PXYLP1: variants seen among roughly 807,000 people sequenced by gnomAD.
PXYLP1 encodes the protein acid phosphatase-like 2.
PXYLP1 carries 17 observed loss-of-function variants against 37.9 expected under a neutral mutation model. The ratio of observed to expected loss-of-function variants is 0.45; its 90% CI spans 0.31 to 0.67. The LOEUF is 0.67. PXYLP1 is among the 30% of genes least tolerant of loss of function. PXYLP1 has a pLI of 0.07. For missense variants in PXYLP1, 511 were observed against 612.0 expected, an observed-to-expected ratio of 0.84 and a Z score of 1.74; for synonymous variants, 221 against 232.2, an observed-to-expected ratio of 0.95 and a Z score of 0.44.
At chr3:141,273,710 AGT>A in intron 2 of PXYLP1, 1 of 985,400 alleles carries the variant, frequency 1.0e-6, no homozygotes, top group Non-Finnish European at 1.2e-6. Context: ...ACAGGATGAA[AGT>A]GATCGTAGAT....
At chr3:141,274,194 G>A in intron 2 of PXYLP1, 1 of 1,051,650 alleles carries the variant, frequency 9.5e-7, no homozygotes, top group Non-Finnish European at 1.1e-6. Context: ...CTTTATCTAG[G>A]TGATCGGGGC....
chr3:141,238,361 C>A (rs1940708873), intron 1 of PXYLP1, among the ~76,000 whole-genome samples: 1 of 152,222 alleles, frequency 6.6e-6, no homozygotes, highest in African/African-American at 2.4e-5. Context: ...CTAGCACCTG[C>A]CATCACGGAG....
At chr3:141,274,360 C>T (rs1048519627) in intron 2 of PXYLP1, 3 of 1,428,198 alleles carry the variant, frequency 2.1e-6, no homozygotes, top group Non-Finnish European at 2.7e-6. Flanking sequence ...CCTTACGGGA[C>T]CCAAGGCGTA....
At chr3:141,270,371 T>C (rs976157127) in intron 2 of PXYLP1, among the ~76,000 whole-genome samples, 1 of 152,236 alleles carries the variant, frequency 6.6e-6, no homozygotes, top group African/African-American at 2.4e-5. Context: ...ACTCCAGCCT[T>C]TAAAAGCAGA....
chr3:141,246,785 G>A (rs1407915291), intron 1 of PXYLP1, among the ~76,000 whole-genome samples: 1 of 152,192 alleles, frequency 6.6e-6, no homozygotes, highest in African/African-American at 2.4e-5. Flanking sequence ...CCCAAACTTG[G>A]TGCCTTAAAA....
At chr3:141,274,498 C>A in intron 2 of PXYLP1, 1 of 1,524,080 alleles carries the variant, frequency 6.6e-7, no homozygotes, top group South Asian at 1.2e-5. Context: ...TAGGTGTCTC[C>A]TCTGGGAAGC....
rs1941861316 is a variant in PXYLP1, at chr3:141,278,510, A to T, written c.238+10A>T. The T allele has an allele frequency of 6.2e-7, 1 of 1,613,906 alleles. No individual in the cohort carries two copies. Among genetic ancestry groups the T allele is most frequent in the Non-Finnish European group, 8.5e-7 (1 of 1,179,960 alleles). On this transcript the variant is annotated intron_variant, in intron 3 of 5. Transcript: ENST00000286353. ...GAGCGCAGCATGGAAGGTAGGCCTG[A>T]CTGTGCCACCAGGACAGATACCCCT...
At chr3:141,235,205 A>T (rs1385992509) in intron 1 of PXYLP1, 1 of 152,254 alleles carries the variant, frequency 6.6e-6, no homozygotes, top group East Asian at 1.9e-4. Flanking sequence ...TCTGAAATCC[A>T]TTTGCTGGGC....
chr3:141,292,906 C>G lies in PXYLP1; in HGVS notation c.1144C>G (p.Leu382Val). 6.2e-7 allele frequency: 1 copy of G among 1,614,180 alleles called. No individual in the cohort carries two copies. Among genetic ancestry groups the G allele is most frequent in the Non-Finnish European group, 8.5e-7 (1 of 1,180,034 alleles). The change falls in exon 6 of 6, where the codon CTG (leucine) becomes GTG (valine). Residue 382 changes from leucine (L) to valine (V), a missense_variant. Physicochemically the swap from Leu to Val is conservative, Grantham distance 32. Transcript: ENST00000286353. The surrounding 1 kb of genome is among the most constrained non-coding windows in gnomAD (Gnocchi z 4.3). The stretch of plus-strand genomic sequence containing the variant: ...CCTCTACTCTGCTCATGATGTCACT[C>G]TGTCACCAGTTCTCAGTGCCTTGGG... ...FALYSAHDVT[L>V]SPVLSALGLS...
chr3:141,243,026 C>T (rs776775755), intron 1 of PXYLP1, among the ~76,000 whole-genome samples: 8 of 152,142 alleles, frequency 5.3e-5, no homozygotes, highest in Non-Finnish European at 8.8e-5. Flanking sequence ...ATACCTTGCC[C>T]GAGCTGTTAG....
intron 1 of PXYLP1, among the ~76,000 whole-genome samples, chr3:141,237,368 G>C (rs1576571968): frequency 6.6e-6 from 1 of 152,298 alleles, no homozygotes; most frequent in South Asian, 2.1e-4. Context: ...CCTAATACTA[G>C]AGTACCTGAG....
chr3:141,233,035 C>T (rs900904037), intron 1 of PXYLP1, among the ~76,000 whole-genome samples: 18 of 64,576 alleles, frequency 2.8e-4, no homozygotes, highest in African/African-American at 7.1e-4. Flanking sequence ...TTGCAGAAGG[C>T]CCGTGGGTGT....
chr3:141,287,496 C>G, intron 5 of PXYLP1, 43 bp downstream of exon 5: 1 of 1,597,116 alleles, frequency 6.3e-7, no homozygotes, highest in Non-Finnish European at 8.5e-7. Flanking sequence ...CCCACCCGCT[C>G]TTCTGCTTGC....
rs940350735 is a variant in PXYLP1 at position 141,293,303 on chromosome 3, G to A, written c.*98G>A. 1.6e-6 allele frequency: 2 copies of A among 1,229,408 alleles called. No individual in the cohort carries two copies. Among genetic ancestry groups the A allele is most frequent in the African/African-American group, 1.5e-5 (1 of 65,818 alleles). The allele number at this position is 1,229,408 out of a possible 1,614,324, so 76.2% of individuals were successfully genotyped here. On this transcript the variant is annotated 3_prime_UTR_variant, in exon 6 of 6. Transcript: ENST00000286353. Reference sequence around the variant, plus strand: ...CTGTTACTAAGGGTAGAAGATTATTGCTTTTTAAAGGCTAAATATTGTTTG... The same window carrying A: ...CTGTTACTAAGGGTAGAAGATTATTACTTTTTAAAGGCTAAATATTGTTTG...
At position 141,287,375 on chromosome 3, in the gene PXYLP1, T is replaced by G. The variant is rs377377157; in HGVS notation, c.427T>G (p.Ser143Ala). 4 of 1,614,058 alleles carry G rather than the reference T, an allele frequency of 2.5e-6. No homozygotes were observed. The African/African-American group carries it at 5.3e-5, about 22-fold the overall frequency. ...TCACATGTCAAAAGGATCCGGAGCC[T>G]CTTTCGAAAGCCCCTTGAACTCCTT... ...ISHMSKGSGASFESPLNSLPL... is the reference protein window; with the variant it reads ...ISHMSKGSGAAFESPLNSLPL... The change falls in exon 5 of 6, where the codon TCT becomes GCT. Residue 143 changes from serine (S) to alanine (A), a missense_variant. By Grantham distance (99) the Ser-to-Ala change is moderately conservative. Transcript: ENST00000286353.
chr3:141,287,251 C>G, intron 4 of PXYLP1, 63 bp from the exon 5 acceptor site: 1 of 1,572,538 alleles, frequency 6.4e-7, no homozygotes, highest in Non-Finnish European at 8.7e-7. Flanking sequence ...CTCGCTGAAG[C>G]TGGAAACTGT....
At chr3:141,235,435 C>A (rs772290565) in intron 1 of PXYLP1, 4 of 152,324 alleles carry the variant, frequency 2.6e-5, no homozygotes, top group Non-Finnish European at 5.9e-5. Flanking sequence ...TGACATCACC[C>A]ATTTTCCAAT....
At chr3:141,253,234 G>A (rs1377960699) in intron 1 of PXYLP1, among the ~76,000 whole-genome samples, 3 of 152,142 alleles carry the variant, frequency 2.0e-5, no homozygotes, top group Non-Finnish European at 4.4e-5. Context: ...GGGGAAGCTG[G>A]CCTGGGTAGA....
At chr3:141,279,603 A>G (rs1014611871) in intron 4 of PXYLP1, 99 bp downstream of exon 4, 1 of 1,477,868 alleles carries the variant, frequency 6.8e-7, no homozygotes. Flanking sequence ...TACTGTTTGC[A>G]GGAGCCTGAG....
Sources: gnomAD v4.1 joint callset for allele counts (sites outside exome capture counted in the v4.1 genomes callset) on GRCh38, gnomAD v4.1.1 for gene constraint, Gnocchi (gnomAD v3.1) non-coding constraint, MANE v1.5 for transcripts, NCBI Gene and HGNC (gene_info 2026-07-23, HGNC 2026-07-21) for gene names.